SORCS2: variants seen among roughly 807,000 people sequenced by gnomAD.
The protein encoded by SORCS2 is VPS10 domain-containing receptor SorCS2.
SORCS2 carries 100 observed loss-of-function variants against 141.6 expected under a neutral mutation model. The observed-to-expected ratio is 0.71, with a 90% confidence interval of 0.60 to 0.83. The LOEUF is 0.83. Ranked by LOEUF, SORCS2 falls within the 40% of genes least tolerant of loss-of-function variation. The pLI, the probability that SORCS2 is intolerant of heterozygous loss-of-function variation, is 0.00. For synonymous variants in SORCS2, 789 were observed against 676.9 expected (o/e 1.17, Z -2.57); for missense variants, 1,646 against 1,560.2 (o/e 1.05, Z -0.93).
chr4:7,403,158 G>A (rs1246607581), intron 2 of SORCS2, among the ~76,000 whole-genome samples: 1 of 152,134 alleles, frequency 6.6e-6, no homozygotes, highest in Non-Finnish European at 1.5e-5. Flanking sequence ...TGGCAATAAC[G>A]AACCCAGTGG....
At chr4:7,306,383 T>G (rs578189116) in intron 1 of SORCS2, among the ~76,000 whole-genome samples, 2 of 152,084 alleles carry the variant, frequency 1.3e-5, no homozygotes, top group East Asian at 3.9e-4. Context: ...TGTAGCAGGA[T>G]CAGGTCTGAA....
chr4:7,278,346 G>C (rs73799448), intron 1 of SORCS2, among the ~76,000 whole-genome samples: 4,190 of 152,196 alleles, frequency 0.028, 177 homozygotes, highest in African/African-American at 0.09. Context: ...CGGGGTCTTC[G>C]TTCTTCTTCA....
chr4:7,621,798 G>C (rs1424603992), intron 3 of SORCS2, among the ~76,000 whole-genome samples: 1 of 152,210 alleles, frequency 6.6e-6, no homozygotes, highest in East Asian at 1.9e-4. Context: ...GTCTGAGACA[G>C]GCGACCTCTG....
chr4:7,310,107 C>A (rs1718090187), intron 1 of SORCS2, among the ~76,000 whole-genome samples: 1 of 152,210 alleles, frequency 6.6e-6, no homozygotes, highest in African/African-American at 2.4e-5. Flanking sequence ...ACAGGAGCAG[C>A]AGGGAAGACC....
intron 1 of SORCS2, among the ~76,000 whole-genome samples, chr4:7,323,489 C>A (rs1024877082): frequency 6.6e-6 from 1 of 152,174 alleles, no homozygotes; most frequent in Non-Finnish European, 1.5e-5. Context: ...CACGTTCAGA[C>A]TCCCACACCC....
intron 1 of SORCS2, among the ~76,000 whole-genome samples, chr4:7,351,919 C>T (rs1232159118): frequency 6.6e-6 from 1 of 152,170 alleles, no homozygotes; most frequent in African/African-American, 2.4e-5. Flanking sequence ...CATCTACCTA[C>T]TCAGCCACTC....
At chr4:7,706,693 T>A (rs1216233584) in intron 14 of SORCS2, among the ~76,000 whole-genome samples, 1 of 142,426 alleles carries the variant, frequency 7.0e-6, no homozygotes, top group Non-Finnish European at 1.5e-5. Flanking sequence ...TGGGCAGGGA[T>A]GAGGCTGGGC....
chr4:7,336,123 T>C (rs2108977726), intron 1 of SORCS2, among the ~76,000 whole-genome samples: 1 of 152,314 alleles, frequency 6.6e-6, no homozygotes, highest in African/African-American at 2.4e-5. Context: ...ATGTGTGCTG[T>C]GATTCGAGGG....
chr4:7,682,977 T>C, intron 10 of SORCS2, 88 bp downstream of exon 10: 1 of 1,481,566 alleles, frequency 6.7e-7, no homozygotes, highest in Non-Finnish European at 9.1e-7. Flanking sequence ...GGTGGTGATG[T>C]CTGAGAAGGA....
intron 2 of SORCS2, among the ~76,000 whole-genome samples, chr4:7,485,846 G>A (rs888425000): frequency 2.6e-5 from 4 of 152,164 alleles, no homozygotes; most frequent in Non-Finnish European, 5.9e-5. Context: ...AAGGAACCTG[G>A]GAGAGAAAGG....
chr4:7,453,374 G>C (rs1024061524), intron 2 of SORCS2, among the ~76,000 whole-genome samples: 29 of 139,512 alleles, frequency 2.1e-4, no homozygotes, highest in Non-Finnish European at 3.5e-4. Flanking sequence ...CTGTGTGTTG[G>C]GGTCAGGCAC....
chr4:7,464,898 G>A (rs1484457137), intron 2 of SORCS2, among the ~76,000 whole-genome samples: 4 of 152,222 alleles, frequency 2.6e-5, no homozygotes, highest in Non-Finnish European at 2.9e-5. Flanking sequence ...TCTAAAAGCC[G>A]GCGCCTCCGG....
At chr4:7,676,290 C>A (rs1237102247) in intron 9 of SORCS2, 61 bp downstream of exon 9, 46 of 1,502,478 alleles carry the variant, frequency 3.1e-5, no homozygotes, top group Non-Finnish European at 4.0e-5. Flanking sequence ...TGCCCTCTCA[C>A]CCCACCTCTT....
At chr4:7,345,222 T>C (rs1212880052) in intron 1 of SORCS2, among the ~76,000 whole-genome samples, 4 of 152,216 alleles carry the variant, frequency 2.6e-5, no homozygotes, top group Non-Finnish European at 5.9e-5. Flanking sequence ...TCTCAGTGTC[T>C]GCCATGAAAT....
At chr4:7,703,959 C>G (rs1393839457) in intron 13 of SORCS2, among the ~76,000 whole-genome samples, 1 of 152,156 alleles carries the variant, frequency 6.6e-6, no homozygotes. Flanking sequence ...TGTGTGGTTC[C>G]CAGAAAACAC....
At chr4:7,403,379 A>G (rs578176508) in intron 2 of SORCS2, among the ~76,000 whole-genome samples, 2 of 152,286 alleles carry the variant, frequency 1.3e-5, no homozygotes, top group African/African-American at 4.8e-5. Context: ...ACCAAGCTCA[A>G]CCACACAAGC....
intron 17 of SORCS2, among the ~76,000 whole-genome samples, 147 bp from the exon 18 acceptor site, chr4:7,717,852 CAGGTGGAGTCAGG>C (rs1726296290): frequency 6.6e-6 from 1 of 152,206 alleles, no homozygotes; most frequent in Admixed American, 6.5e-5. Context: ...TAACAGCAAT[CAGGTGGAGTCAGG>C]AGGTGACTGG....
At chr4:7,668,973 TCTAAGGAGC>T (rs2108934500) in intron 8 of SORCS2, among the ~76,000 whole-genome samples, 1 of 152,248 alleles carries the variant, frequency 6.6e-6, no homozygotes, top group South Asian at 2.1e-4. Context: ...CCAAGGGTGC[TCTAAGGAGC>T]CTATGGCTAT....
chr4:7,471,207 C>G (rs988011375), intron 2 of SORCS2, among the ~76,000 whole-genome samples: 5 of 152,224 alleles, frequency 3.3e-5, no homozygotes, highest in Non-Finnish European at 7.3e-5. Flanking sequence ...TGCATCCTTC[C>G]CCGCCGGCCC....
Sources: allele counts gnomAD v4.1 joint callset (sites outside exome capture counted in the v4.1 genomes callset), GRCh38; gene constraint gnomAD v4.1.1; transcripts MANE v1.5; gene names NCBI Gene and HGNC (gene_info 2026-07-23, HGNC 2026-07-21).